SLC13A3: variants seen among roughly 807,000 people sequenced by gnomAD.
The protein encoded by SLC13A3 is solute carrier family 13 member 3, also known as Na(+)/dicarboxylate cotransporter 3.
Under a neutral mutation model 59.0 loss-of-function variants are expected in SLC13A3, and 40 were observed. That is an observed-to-expected ratio of 0.68 (90% CI 0.53 to 0.88). The LOEUF (loss-of-function observed/expected upper bound fraction) is 0.88. Among genes scored for constraint, SLC13A3 ranks in the 40% least tolerant of loss-of-function variants. The probability of loss-of-function intolerance (pLI) is 0.00; values close to 1 mark genes in which losing one functional copy is unlikely to be tolerated. For missense variants in SLC13A3, 699 were observed against 783.2 expected, an observed-to-expected ratio of 0.89 and a Z score of 1.28; for synonymous variants, 317 against 330.3, an observed-to-expected ratio of 0.96 and a Z score of 0.44.
chr20:46,681,704 T>G (rs1336533839), intron 1 of SLC13A3: 3 of 152,220 alleles, frequency 2.0e-5, no homozygotes, highest in Non-Finnish European at 4.4e-5. Flanking sequence ...AGTTTATTTC[T>G]TACTGTTATG....
intron 1 of SLC13A3, among the ~76,000 whole-genome samples, chr20:46,682,993 G>T (rs879772882): frequency 6.6e-6 from 1 of 152,068 alleles, no homozygotes; most frequent in Non-Finnish European, 1.5e-5. Flanking sequence ...TCCCACTGTG[G>T]GCCAAGGGCT....
chr20:46,584,590 A>C, intron 8 of SLC13A3: 2 of 696,396 alleles, frequency 2.9e-6, no homozygotes, highest in Non-Finnish European at 1.8e-6. Flanking sequence ...AATGCAGATC[A>C]AAACACTAAT....
upstream of SLC13A3, among the ~76,000 whole-genome samples, chr20:46,654,826 T>G (rs111633314): frequency 0.01 from 1,568 of 152,304 alleles, 28 homozygotes; most frequent in African/African-American, 0.035. Flanking sequence ...CCACCATGCC[T>G]GGCCAAGAAC....
At chr20:46,594,500 T>C (rs981278827) in intron 5 of SLC13A3, among the ~76,000 whole-genome samples, 12 of 152,024 alleles carry the variant, frequency 7.9e-5, no homozygotes, top group African/African-American at 2.7e-4. Flanking sequence ...GGATGGGTCC[T>C]GGCAAACCCT....
chr20:46,626,762 T>C (rs549095877), intron 1 of SLC13A3, among the ~76,000 whole-genome samples: 19 of 138,126 alleles, frequency 1.4e-4, no homozygotes, highest in African/African-American at 5.1e-4. Flanking sequence ...CCAGGGGACT[T>C]GGAGGCAGGG....
At chr20:46,582,301 T>A (rs1319009360) in intron 9 of SLC13A3, among the ~76,000 whole-genome samples, 3 of 152,028 alleles carry the variant, frequency 2.0e-5, no homozygotes, top group Non-Finnish European at 2.9e-5. Flanking sequence ...TTTTATTTTT[T>A]AATTTTTTGT....
chr20:46,567,002 G>A (rs1336066036), intron 10 of SLC13A3, among the ~76,000 whole-genome samples: 2 of 151,904 alleles, frequency 1.3e-5, no homozygotes, highest in Admixed American at 1.3e-4. Context: ...TCAGGAGTTC[G>A]AGACCAGGCC....
intron 3 of SLC13A3, among the ~76,000 whole-genome samples, chr20:46,601,759 C>T (rs940100543): frequency 2.5e-4 from 38 of 152,218 alleles, no homozygotes; most frequent in Admixed American, 1.3e-4. Flanking sequence ...GCCAAGCAAA[C>T]ATCTGGGGCA....
At chr20:46,667,248 T>A (rs1169628228) in intron 1 of SLC13A3, among the ~76,000 whole-genome samples, 3 of 152,094 alleles carry the variant, frequency 2.0e-5, no homozygotes, top group African/African-American at 7.2e-5. Flanking sequence ...ACCTTCAAGG[T>A]CTGGGCATGG....
At chr20:46,592,354 C>A in intron 6 of SLC13A3, 50 bp downstream of exon 6, 1 of 1,607,518 alleles carries the variant, frequency 6.2e-7, no homozygotes, top group Non-Finnish European at 8.5e-7. Context: ...AGGTTAGAAA[C>A]GCCATTCCCT....
At chr20:46,623,478 A>G (rs1269532534) in intron 1 of SLC13A3, among the ~76,000 whole-genome samples, 3 of 152,014 alleles carry the variant, frequency 2.0e-5, no homozygotes, top group African/African-American at 7.2e-5. Context: ...TGAACCTCCC[A>G]TCTCAGCCTC....
At chr20:46,674,018 G>A (rs990054139), upstream of SLC13A3, among the ~76,000 whole-genome samples, 1 of 152,174 alleles carries the variant, frequency 6.6e-6, no homozygotes, top group Admixed American at 6.5e-5. Flanking sequence ...AGATACATGT[G>A]TGAAATACAC....
intron 10 of SLC13A3, among the ~76,000 whole-genome samples, chr20:46,567,783 C>T (rs2061993474): frequency 6.6e-6 from 1 of 152,192 alleles, no homozygotes; most frequent in South Asian, 2.1e-4. Context: ...AAATAACTGA[C>T]CCAACACATC....
Position 46,592,389 on chromosome 20 carries a change from GA to G in SLC13A3, c.920+14del. 1 of 1,613,478 alleles carries G rather than the reference GA, an allele frequency of 6.2e-7. No homozygotes were observed. Among genetic ancestry groups the G allele is most frequent in the Non-Finnish European group, 8.5e-7 (1 of 1,179,692 alleles). On this transcript the variant is annotated intron_variant, in intron 6 of 12. Transcript: ENST00000279027. Reference sequence around the variant, plus strand: ...TGCTTCCCCACTCTATTGCCAAAAAGAAAATGAGAGGTACCTGAAGCTCAGT... The same window carrying G: ...TGCTTCCCCACTCTATTGCCAAAAAGAAATGAGAGGTACCTGAAGCTCAGT...
intron 1 of SLC13A3, among the ~76,000 whole-genome samples, chr20:46,645,363 T>C (rs2062883905): frequency 6.6e-6 from 1 of 152,194 alleles, no homozygotes; most frequent in Non-Finnish European, 1.5e-5. Context: ...CACCGACACC[T>C]TTGGTGGGTC....
chr20:46,561,298 G>T (rs528672229), intron 12 of SLC13A3, among the ~76,000 whole-genome samples: 1 of 152,260 alleles, frequency 6.6e-6, no homozygotes, highest in South Asian at 2.1e-4. Context: ...ATCAAGCTGT[G>T]CTCCACCCAC....
At chr20:46,641,911 C>T (rs2062849093) in intron 1 of SLC13A3, among the ~76,000 whole-genome samples, 1 of 152,188 alleles carries the variant, frequency 6.6e-6, no homozygotes, top group Non-Finnish European at 1.5e-5. Context: ...AATCCACCTG[C>T]CCTAATCACC....
At chr20:46,636,484 A>G (rs531401517) in intron 1 of SLC13A3, among the ~76,000 whole-genome samples, 1 of 152,358 alleles carries the variant, frequency 6.6e-6, no homozygotes, top group South Asian at 2.1e-4. Context: ...TTCCATAATC[A>G]TTCAGGACAC....
rs185105412 is a variant in SLC13A3 at position 46,604,582 on chromosome 20, G to A, written c.542-4545C>T. ...TTTGGGGAAGTCCCTTCCACACCAC[G>A]GGCCGCTCTCGTGGTACACCGTTGG... is the stretch of plus-strand genomic sequence containing the variant. On this transcript the variant is annotated intron_variant, in intron 3 of 12. Coordinates refer to ENST00000279027, the MANE Select transcript of SLC13A3 (RefSeq NM_022829.6). Among the ~76,000 whole-genome samples, 48 of 152,194 alleles carry A rather than the reference G, an allele frequency of 3.2e-4. 2 individuals are homozygous for A. The East Asian group carries it at 7.8e-3, about 25-fold the overall frequency.
Sources: gnomAD v4.1 joint callset for allele counts (sites outside exome capture counted in the v4.1 genomes callset) on GRCh38, gnomAD v4.1.1 for gene constraint, MANE v1.5 for transcripts, NCBI Gene and HGNC (gene_info 2026-07-23, HGNC 2026-07-21) for gene names.